Variants in TEAD1 observed in about 807,000 individuals in gnomAD.
TEAD1 encodes transcriptional enhancer factor TEF-1.
A neutral mutation model predicts 54.9 loss-of-function variants in TEAD1; 9 were observed. The ratio of observed to expected loss-of-function variants is 0.16; its 90% CI spans 0.10 to 0.29. The LOEUF is 0.29. Ranked by LOEUF, TEAD1 falls within the 10% of genes least tolerant of loss-of-function variation. TEAD1 has a pLI of 1.00. For missense variants in TEAD1, 387 were observed against 535.9 expected, an observed-to-expected ratio of 0.72 and a Z score of 2.74; for synonymous variants, 200 against 187.8, an observed-to-expected ratio of 1.07 and a Z score of -0.53.
At chr11:12,818,053 A>T (rs1253645020) in intron 3 of TEAD1, among the ~76,000 whole-genome samples, 1 of 152,268 alleles carries the variant, frequency 6.6e-6, no homozygotes, top group Non-Finnish European at 1.5e-5. Flanking sequence ...AATTTGGCAG[A>T]TAACCTATAG....
intron 12 of TEAD1, among the ~76,000 whole-genome samples, chr11:12,935,552 C>T (rs757445044): frequency 2.0e-5 from 3 of 152,000 alleles, no homozygotes; most frequent in East Asian, 1.9e-4. Flanking sequence ...CTCTGCCTCC[C>T]GGGCTCAAGT....
intron 3 of TEAD1, among the ~76,000 whole-genome samples, chr11:12,811,281 C>T (rs975520344): frequency 6.6e-6 from 1 of 152,144 alleles, no homozygotes; most frequent in African/African-American, 2.4e-5. Context: ...TATATGGGAG[C>T]AGTTTTCTTT....
At chr11:12,719,969 TTTTTTTTTTTTTTTTTTTTTTTTTTGG>T (rs1944154369) in intron 2 of TEAD1, among the ~76,000 whole-genome samples, 17 of 68,776 alleles carry the variant, frequency 2.5e-4, no homozygotes, top group African/African-American at 9.8e-4. Context: ...TTTTTTTTTT[TTTTTTTTTTTTTTTTTTTTTTTTTTGG>T]GGGGGGACCC....
intron 3 of TEAD1, among the ~76,000 whole-genome samples, chr11:12,859,460 C>T (rs763355674): frequency 2.0e-5 from 3 of 152,220 alleles, no homozygotes; most frequent in Admixed American, 1.3e-4. Flanking sequence ...TGTCTGCAGA[C>T]ATTGTCATTT....
At position 12,766,986 on chromosome 11, in the gene TEAD1, C is replaced by G. The variant is rs899235788; in HGVS notation, c.202+2552C>G. On this transcript the variant is annotated intron_variant, in intron 3 of 12. Transcript: ENST00000527636. ...AACATCCCCCCTGAACTCCCTGTCT[C>G]TGGTCGACATGAGGAGCTTTGCTTC... 1.2e-4 allele frequency among the ~76,000 whole-genome samples: 18 copies of G among 152,168 alleles called. 1 individual carries two copies.
intron 2 of TEAD1, among the ~76,000 whole-genome samples, chr11:12,716,113 C>T (rs1160561236): frequency 2.0e-5 from 3 of 151,848 alleles, no homozygotes; most frequent in Non-Finnish European, 2.9e-5. Flanking sequence ...TCCTGTCCTG[C>T]GCGGGCTCTT....
At chr11:12,736,655 A>C (rs1363028132) in intron 2 of TEAD1, among the ~76,000 whole-genome samples, 1 of 152,154 alleles carries the variant, frequency 6.6e-6, no homozygotes, top group Non-Finnish European at 1.5e-5. Context: ...TTTATATGAA[A>C]CTTAATGGCC....
intron 10 of TEAD1, among the ~76,000 whole-genome samples, chr11:12,919,560 C>CATGG (rs1207149363): frequency 2.0e-5 from 3 of 151,962 alleles, no homozygotes; most frequent in Non-Finnish European, 4.4e-5. Flanking sequence ...TGGTACAAAT[C>CATGG]ATGGCTCATT....
intron 2 of TEAD1, among the ~76,000 whole-genome samples, chr11:12,753,923 T>C (rs1327376707): frequency 6.6e-6 from 1 of 152,182 alleles, no homozygotes; most frequent in Non-Finnish European, 1.5e-5. Context: ...TTGTGTGTGG[T>C]GGGGTCAATT....
chr11:12,687,317 G>T (rs1172248137), intron 2 of TEAD1, among the ~76,000 whole-genome samples: 2 of 152,212 alleles, frequency 1.3e-5, no homozygotes, highest in Non-Finnish European at 2.9e-5. Flanking sequence ...AGGAGGAGCA[G>T]TACTGCTGAG....
intron 2 of TEAD1, among the ~76,000 whole-genome samples, chr11:12,731,200 C>A (rs901659494): frequency 1.3e-5 from 2 of 152,184 alleles, no homozygotes; most frequent in Admixed American, 1.3e-4. Flanking sequence ...TTCTGCTTTT[C>A]ATATGCTAGC....
intron 10 of TEAD1, among the ~76,000 whole-genome samples, chr11:12,913,879 C>T (rs1266203954): frequency 1.3e-5 from 2 of 152,182 alleles, no homozygotes; most frequent in Admixed American, 1.3e-4. Context: ...TGCACAAAAC[C>T]TTGAAACCAT....
chr11:12,908,673 G>T (rs192781425), intron 10 of TEAD1, among the ~76,000 whole-genome samples: 19 of 152,258 alleles, frequency 1.2e-4, no homozygotes, highest in African/African-American at 4.6e-4. Context: ...AGAAAGCAGT[G>T]TTGTTTTTAT....
At chr11:12,798,977 G>A (rs1051971464) in intron 3 of TEAD1, among the ~76,000 whole-genome samples, 2 of 152,210 alleles carry the variant, frequency 1.3e-5, no homozygotes, top group Middle Eastern at 3.2e-3. Flanking sequence ...CATTCTGCCT[G>A]CTGGCACCCT....
At chr11:12,884,787 A>C (rs1948052238) in intron 9 of TEAD1, among the ~76,000 whole-genome samples, 3 of 152,216 alleles carry the variant, frequency 2.0e-5, no homozygotes, top group Admixed American at 1.3e-4. Flanking sequence ...CCTTCCAAGC[A>C]GCTGAGTGGC....
intron 3 of TEAD1, among the ~76,000 whole-genome samples, chr11:12,857,971 A>ATGG (rs1947425208): frequency 6.6e-6 from 1 of 152,184 alleles, no homozygotes; most frequent in Admixed American, 6.5e-5. Context: ...CTGTAGTCCC[A>ATGG]TGAGCTACCA....
chr11:12,865,839 A>C (rs745893607), intron 5 of TEAD1, among the ~76,000 whole-genome samples: 1 of 152,208 alleles, frequency 6.6e-6, no homozygotes, highest in Non-Finnish European at 1.5e-5. Context: ...TGATTTTGGC[A>C]CATATTGATG....
At chr11:12,711,585 T>C (rs931812868) in intron 2 of TEAD1, among the ~76,000 whole-genome samples, 3 of 152,192 alleles carry the variant, frequency 2.0e-5, no homozygotes, top group Non-Finnish European at 4.4e-5. Context: ...ACATTGTTAG[T>C]CCTTTCATGT....
In TEAD1 at chr11:12,937,256, T is replaced by TACACACACACATATGTGC; in HGVS notation, c.*45_*62dup. ...ATTTATATATATAGATATCTGTATA[T>TACACACACACATATGTGC]ACACACACACATATGTGCACACACA... is the stretch of plus-strand genomic sequence containing the variant. On this transcript the variant is annotated 3_prime_UTR_variant, in exon 13 of 13. Coordinates refer to ENST00000527636, the MANE Select transcript of TEAD1 (RefSeq NM_021961.6). 3 of 1,419,656 alleles carry TACACACACACATATGTGC rather than the reference T, an allele frequency of 2.1e-6. No individual in the cohort carries two copies. The highest frequency in any genetic ancestry group is 2.3e-5 in the South Asian group (2 of 85,702). 87.9% of individuals were successfully genotyped at this position (1,419,656 alleles called of 1,614,324 possible).
Sources: gnomAD v4.1 joint callset for allele counts (sites outside exome capture counted in the v4.1 genomes callset) on GRCh38, gnomAD v4.1.1 for gene constraint, MANE v1.5 for transcripts, NCBI Gene and HGNC (gene_info 2026-07-23, HGNC 2026-07-21) for gene names.